SRM: variants seen among roughly 807,000 people sequenced by gnomAD.
The protein encoded by SRM is spermidine synthase.
A neutral mutation model predicts 39.3 loss-of-function variants in SRM; 14 were observed. The observed-to-expected ratio is 0.36, with a 90% confidence interval of 0.24 to 0.56. The LOEUF is 0.56. Ranked by LOEUF, SRM falls within the 20% of genes least tolerant of loss-of-function variation. SRM has a pLI of 0.86. For missense variants in SRM, 244 were observed against 409.2 expected (o/e 0.60, Z 3.48); for synonymous variants, 195 against 173.1 (o/e 1.13, Z -0.99).
At chr1:11,056,946 A>C (rs1638889618) in intron 3 of SRM, among the ~76,000 whole-genome samples, 189 bp from the exon 4 acceptor site, 1 of 149,760 alleles carries the variant, frequency 6.7e-6, no homozygotes, top group Non-Finnish European at 1.5e-5. Flanking sequence ...GGCATCGATC[A>C]TGGCTCACTA....
rs1182428886 is a variant in SRM at position 11,057,459 on chromosome 1, ATTT to A, written c.382-705_382-703del. On this transcript the variant is annotated intron_variant, in intron 3 of 7. Coordinates refer to ENST00000376957, the MANE Select transcript of SRM (RefSeq NM_003132.3). Reference sequence around the variant, plus strand: ...CAGGCGCACGCCACCAAGCTGGGCCATTTTTTTTTTTTTTTTTTTATTTTTAGT... The same window carrying A: ...CAGGCGCACGCCACCAAGCTGGGCCATTTTTTTTTTTTTTTTATTTTTAGT... Among the ~76,000 whole-genome samples, 926 of 118,730 alleles carry A rather than the reference ATTT, an allele frequency of 7.8e-3. 16 individuals are homozygous for A. Among genetic ancestry groups the A allele is most frequent in the African/African-American group, 0.027 (902 of 33,534 alleles). The allele number at this position is 118,730 out of a possible 152,430, so 77.9% of individuals were successfully genotyped here. A position where few individuals can be genotyped will look rare whatever the true frequency, so the allele number is the denominator to read the frequency against.
At chr1:11,056,787 C>T (rs1238058957) in intron 3 of SRM, 30 bp from the exon 4 acceptor site, 2 of 1,612,910 alleles carry the variant, frequency 1.2e-6, no homozygotes, top group Non-Finnish European at 1.7e-6. Flanking sequence ...CCAGTCTGGG[C>T]CAAGGGGCTG....
rs1638882666 is a variant in SRM at position 11,056,620 on chromosome 1, G to A, written c.519C>T (p.Asp173=). The A allele has an allele frequency of 6.2e-7, 1 of 1,614,080 alleles. No homozygotes were observed. Residue 173 remains aspartate, a synonymous_variant, in exon 4 of 8, where the codon GAC becomes GAT. Coordinates refer to ENST00000376957, the MANE Select transcript of SRM (RefSeq NM_003132.3). The stretch of plus-strand genomic sequence containing the variant: ...ACTGCTTACCCATGGGGTCTGAGGA[G>A]TCAGTGATGATCACGTCGAAGGCAT... ...NQDAFDVIIT[D]SSDPMGPAES...
At chr1:11,056,501 CG>C (rs778216605) in intron 4 of SRM, 102 bp downstream of exon 4, 4 of 1,394,746 alleles carry the variant, frequency 2.9e-6, no homozygotes, top group Non-Finnish European at 3.9e-6. Context: ...AGCTCTAGTT[CG>C]GGGGGTGGGA....
intron 3 of SRM, among the ~76,000 whole-genome samples, chr1:11,058,367 G>A (rs1204264416): frequency 1.3e-5 from 2 of 151,930 alleles, no homozygotes; most frequent in African/African-American, 2.4e-5. Flanking sequence ...TCCGAGACCA[G>A]CCTGACCAAC....
intron 3 of SRM, among the ~76,000 whole-genome samples, chr1:11,057,616 C>G (rs1315612799): frequency 6.6e-6 from 1 of 150,988 alleles, no homozygotes; most frequent in African/African-American, 2.4e-5. Flanking sequence ...GAACCTCCCC[C>G]TCCCTGCACA....
chr1:11,057,963 G>A (rs1638908737), intron 3 of SRM, among the ~76,000 whole-genome samples: 1 of 151,866 alleles, frequency 6.6e-6, no homozygotes. Context: ...ATTTTTAGTA[G>A]AAATGGGGTT....
chr1:11,058,848 C>T lies in SRM; in HGVS notation c.333G>A (p.Val111=), dbSNP rs537765704. 1 of 1,611,864 alleles carries T rather than the reference C, an allele frequency of 6.2e-7. No individual in the cohort carries two copies. The highest frequency in any genetic ancestry group is 1.7e-5 in the Admixed American group (1 of 59,892). Residue 111 remains valine, a synonymous_variant, in exon 3 of 8, where the codon GTG becomes GTA. Transcript: ENST00000376957. Reference sequence around the variant, plus strand: ...CGGACTCCACGGAGGGGTGCTTCACCACCTCCCGCAGGACACCTCCATCTC... The same window carrying T: ...CGGACTCCACGGAGGGGTGCTTCACTACCTCCCGCAGGACACCTCCATCTC... The part of the protein sequence containing the change: ...GGGDGGVLRE[V]VKHPSVESVV...
chr1:11,057,839 C>T (rs1005331663), intron 3 of SRM, among the ~76,000 whole-genome samples: 2 of 151,772 alleles, frequency 1.3e-5, no homozygotes, highest in Non-Finnish European at 2.9e-5. Context: ...AGTGCAGTGG[C>T]GAGATCTCGG....
At chr1:11,057,225 A>AGCTG (rs1251086464) in intron 3 of SRM, among the ~76,000 whole-genome samples, 1 of 152,028 alleles carries the variant, frequency 6.6e-6, no homozygotes, top group African/African-American at 2.4e-5. Flanking sequence ...TCTCCTTGAG[A>AGCTG]GCTGGCTCCT....
At position 11,054,855 on chromosome 1, in the gene SRM, G is replaced by A. The variant is rs1638840587; in HGVS notation, c.*10C>T. ...GAGGTCCTGGGTGGCATCAGTGGTG[G>A]CGCCTGGGCTCAGCTCACATCATTC... is the stretch of plus-strand genomic sequence containing the variant. On this transcript the variant is annotated 3_prime_UTR_variant, in exon 8 of 8. Coordinates refer to ENST00000376957, the MANE Select transcript of SRM (RefSeq NM_003132.3). The surrounding 1 kb of genome is among the most constrained non-coding windows in gnomAD (Gnocchi z 4.8). 2 of 1,600,998 alleles carry A rather than the reference G, an allele frequency of 1.2e-6. No homozygotes were observed. The highest frequency in any genetic ancestry group is 1.7e-6 in the Non-Finnish European group (2 of 1,172,448).
intron 2 of SRM, 66 bp from the exon 3 acceptor site, chr1:11,058,958 A>T: frequency 6.8e-7 from 1 of 1,463,222 alleles, no homozygotes; most frequent in South Asian, 1.3e-5. Flanking sequence ...CCCCTGAAGC[A>T]GACCCCCTGA....
At chr1:11,055,120 CTTTTTTT>C in intron 6 of SRM, 36 bp from the exon 7 acceptor site, 4 of 1,441,782 alleles carry the variant, frequency 2.8e-6, no homozygotes, top group Non-Finnish European at 3.6e-6. Context: ...AGGGGGGGCA[CTTTTTTT>C]TTTTTTTTTT....
intron 1 of SRM, 191 bp from the exon 2 acceptor site, chr1:11,059,536 G>T (rs1076859): frequency 0.01 from 10,259 of 1,020,092 alleles, 330 homozygotes; most frequent in Admixed American, 0.067. Context: ...GGGTCTCCTC[G>T]GGCTCTGACG....
chr1:11,056,807 G>T, intron 3 of SRM, 50 bp from the exon 4 acceptor site: 2 of 1,605,778 alleles, frequency 1.2e-6, no homozygotes, highest in Non-Finnish European at 1.7e-6. Context: ...GGGGGACCTG[G>T]AGCCAGCACA....
At chr1:11,057,382 G>A (rs1233194693) in intron 3 of SRM, among the ~76,000 whole-genome samples, 8 of 151,290 alleles carry the variant, frequency 5.3e-5, no homozygotes, top group South Asian at 2.1e-4. Flanking sequence ...GCAGTGGCAC[G>A]ATCTCAGCTC....
chr1:11,058,006 T>G (rs181451809), intron 3 of SRM, among the ~76,000 whole-genome samples: 145 of 151,660 alleles, frequency 9.6e-4, no homozygotes, highest in Middle Eastern at 3.4e-3. Context: ...CTTGAACTCC[T>G]GACCTCAGGT....
intron 3 of SRM, 117 bp from the exon 4 acceptor site, chr1:11,056,874 CT>C: frequency 5.0e-5 from 51 of 1,013,984 alleles, no homozygotes; most frequent in Non-Finnish European, 6.4e-5. Flanking sequence ...AACCCCTTCC[CT>C]TTTTTTTATT....
At chr1:11,059,753 G>A in intron 1 of SRM, 24 bp downstream of exon 1, 1 of 1,572,270 alleles carries the variant, frequency 6.4e-7, no homozygotes, top group East Asian at 2.4e-5. Context: ...CTAGGGGGCA[G>A]GCGCCTGCGG....
Sources: allele counts gnomAD v4.1 joint callset (sites outside exome capture counted in the v4.1 genomes callset), GRCh38; gene constraint gnomAD v4.1.1; non-coding constraint Gnocchi (gnomAD v3.1); transcripts MANE v1.5; gene names NCBI Gene and HGNC (gene_info 2026-07-23, HGNC 2026-07-21).